Variants in PTBP3 observed in about 807,000 individuals in gnomAD.
The protein encoded by PTBP3 is polypyrimidine tract binding protein 3, also known as polypyrimidine tract-binding protein 3.
In PTBP3, 20 loss-of-function variants were observed where a neutral mutation model predicts 58.7. That is an observed-to-expected ratio of 0.34 (90% confidence interval 0.24 to 0.50). PTBP3 has a LOEUF of 0.50. PTBP3 is among the 20% of genes least tolerant of loss of function. The pLI is 0.98. For missense variants in PTBP3, 509 were observed against 637.2 expected, an observed-to-expected ratio of 0.80 and a Z score of 2.17; for synonymous variants, 185 against 219.8, an observed-to-expected ratio of 0.84 and a Z score of 1.40.
At chr9:112,329,893 C>A (rs182103593) in intron 1 of PTBP3, among the ~76,000 whole-genome samples, 11 of 144,332 alleles carry the variant, frequency 7.6e-5, no homozygotes, top group Admixed American at 1.4e-4. Flanking sequence ...ATTGTCCAGG[C>A]TGGAGTGCAG....
At chr9:112,313,919 G>A (rs1287435288) in intron 1 of PTBP3, among the ~76,000 whole-genome samples, 8 of 152,096 alleles carry the variant, frequency 5.3e-5, no homozygotes, top group African/African-American at 4.8e-5. Flanking sequence ...AACTGACGAC[G>A]GAAAACATTT....
intron 7 of PTBP3, among the ~76,000 whole-genome samples, chr9:112,241,242 T>C (rs543358080): frequency 6.6e-6 from 1 of 152,252 alleles, no homozygotes; most frequent in South Asian, 2.1e-4. Flanking sequence ...TAGCTGGGAT[T>C]ACAGAAGCCC....
intron 12 of PTBP3, among the ~76,000 whole-genome samples, chr9:112,225,152 GAC>G (rs1162738122): frequency 1.3e-5 from 2 of 152,142 alleles, no homozygotes; most frequent in Non-Finnish European, 2.9e-5. Flanking sequence ...TCTATCACGT[GAC>G]AGTCAACTGA....
At chr9:112,319,138 AAAAAAAG>A (rs1418112581) in intron 1 of PTBP3, among the ~76,000 whole-genome samples, 7 of 149,442 alleles carry the variant, frequency 4.7e-5, no homozygotes, top group Non-Finnish European at 8.9e-5. Flanking sequence ...AAGAAAAAAA[AAAAAAAG>A]AAAGAAAATT....
intron 1 of PTBP3, among the ~76,000 whole-genome samples, chr9:112,324,403 A>T (rs1830072502): frequency 6.6e-6 from 1 of 152,224 alleles, no homozygotes; most frequent in Admixed American, 6.5e-5. Flanking sequence ...CTGAAATCCC[A>T]GCACTTTGGG....
chr9:112,252,968 C>A (rs987060355), intron 5 of PTBP3, among the ~76,000 whole-genome samples, 180 bp from the exon 6 acceptor site: 3 of 152,136 alleles, frequency 2.0e-5, no homozygotes, highest in African/African-American at 7.2e-5. Context: ...CTTACAACAA[C>A]GCCCGGTACA....
At chr9:112,251,356 AAG>A (rs1267162850) in intron 6 of PTBP3, among the ~76,000 whole-genome samples, 1 of 152,220 alleles carries the variant, frequency 6.6e-6, no homozygotes, top group African/African-American at 2.4e-5. Flanking sequence ...AAGATCAAAT[AAG>A]AGAGGAGAAA....
chr9:112,360,686 A>T, the PTBP3 span, among the ~76,000 whole-genome samples: 1 of 152,238 alleles, frequency 6.6e-6, no homozygotes, highest in Non-Finnish European at 1.5e-5. Flanking sequence ...TAAAACTCAA[A>T]TGGAAAAATT....
At chr9:112,357,523 A>AT in the PTBP3 span, among the ~76,000 whole-genome samples, 2 of 151,868 alleles carry the variant, frequency 1.3e-5, no homozygotes, top group Non-Finnish European at 2.9e-5. Flanking sequence ...TAATTTTTGT[A>AT]TTTTTTATAG....
intron 4 of PTBP3, among the ~76,000 whole-genome samples, chr9:112,266,648 T>C (rs183845867): frequency 2.0e-5 from 3 of 152,290 alleles, no homozygotes; most frequent in Non-Finnish European, 4.4e-5. Context: ...TTATAGTCAT[T>C]TAAAGCTGAT....
intron 2 of PTBP3, among the ~76,000 whole-genome samples, chr9:112,278,882 T>G (rs1827735863): frequency 6.6e-6 from 1 of 152,244 alleles, no homozygotes; most frequent in Admixed American, 6.5e-5. Context: ...TAATCAATAA[T>G]ACGTCTAGCA....
rs533195553 is a variant in PTBP3 at position 112,284,374 on chromosome 9, G to C, written c.35-8361C>G. 2.5e-3 allele frequency among the ~76,000 whole-genome samples: 381 copies of C among 152,326 alleles called. 2 individuals are homozygous for C. The highest frequency in any genetic ancestry group is 8.7e-3 in the African/African-American group (363 of 41,592). On this transcript the variant is annotated intron_variant, in intron 2 of 13. Transcript: ENST00000374257. Reference sequence around the variant, plus strand: ...GCATGCCCTAGATGTGAGATGTGGAGTCAAAGGAGATTATTTTGGAGCCTT... The same window carrying C: ...GCATGCCCTAGATGTGAGATGTGGACTCAAAGGAGATTATTTTGGAGCCTT...
At chr9:112,248,809 C>T (rs1410492752) in intron 7 of PTBP3, among the ~76,000 whole-genome samples, 1 of 152,114 alleles carries the variant, frequency 6.6e-6, no homozygotes, top group Non-Finnish European at 1.5e-5. Flanking sequence ...TCTTGTCCAG[C>T]AGGAAAGAAT....
At chr9:112,334,646 A>T (rs973344164), upstream of PTBP3, among the ~76,000 whole-genome samples, 1 of 152,218 alleles carries the variant, frequency 6.6e-6, no homozygotes, top group Non-Finnish European at 1.5e-5. Context: ...TCGTCATTTG[A>T]AAAGCAACTA....
the PTBP3 span, among the ~76,000 whole-genome samples, chr9:112,354,428 C>T: frequency 2.0e-5 from 3 of 152,176 alleles, no homozygotes; most frequent in Non-Finnish European, 4.4e-5. Flanking sequence ...AACAAAACAA[C>T]AAAATACAGC....
intron 1 of PTBP3, chr9:112,298,555 T>C (rs772386911): frequency 5.9e-6 from 3 of 509,356 alleles, no homozygotes; most frequent in South Asian, 2.9e-5. Flanking sequence ...ATTTAAAAGA[T>C]TACTTTCAGG....
intron 13 of PTBP3, 70 bp downstream of exon 13, chr9:112,224,063 C>A: frequency 6.5e-7 from 1 of 1,549,932 alleles, no homozygotes; most frequent in Non-Finnish European, 8.8e-7. Context: ...GAAGACTTCA[C>A]TGAACTACCT....
intron 4 of PTBP3, among the ~76,000 whole-genome samples, chr9:112,264,031 C>T (rs571200343): frequency 8.6e-5 from 13 of 151,394 alleles, no homozygotes; most frequent in Non-Finnish European, 1.5e-4. Context: ...GAGCAGAATT[C>T]CTATTATGGG....
At chr9:112,326,245 A>G (rs1345517985) in intron 1 of PTBP3, among the ~76,000 whole-genome samples, 1 of 152,206 alleles carries the variant, frequency 6.6e-6, no homozygotes, top group Non-Finnish European at 1.5e-5. Flanking sequence ...TAAAAGGAAA[A>G]GGATTGCAGC....
Sources: allele counts gnomAD v4.1 joint callset (sites outside exome capture counted in the v4.1 genomes callset), GRCh38; gene constraint gnomAD v4.1.1; transcripts MANE v1.5; gene names NCBI Gene and HGNC (gene_info 2026-07-23, HGNC 2026-07-21).